The following KMT2E variants were observed in gnomAD, a reference collection of about 807,000 sequenced individuals.
KMT2E encodes histone reader KMT2E.
Under a neutral mutation model 184.6 loss-of-function variants are expected in KMT2E, and 30 were observed. The observed-to-expected ratio is 0.16, with a 90% CI of 0.12 to 0.22. KMT2E has a LOEUF of 0.22. Among genes scored for constraint, KMT2E ranks in the 10% least tolerant of loss-of-function variants. The pLI, the probability that KMT2E is intolerant of heterozygous loss-of-function variation, is 1.00. For missense variants in KMT2E, 2,023 were observed against 2,237.4 expected, an observed-to-expected ratio of 0.90 and a Z score of 1.93; for synonymous variants, 815 against 776.5, an observed-to-expected ratio of 1.05 and a Z score of -0.82.
At chr7:105,049,696 G>T (rs1796249280) in intron 3 of KMT2E, among the ~76,000 whole-genome samples, 1 of 152,084 alleles carries the variant, frequency 6.6e-6, no homozygotes, top group Non-Finnish European at 1.5e-5. Context: ...TTCGAGACCA[G>T]CCTGCCGAAC....
chr7:105,089,632 A>G (rs1224214867), intron 13 of KMT2E, among the ~76,000 whole-genome samples: 3 of 152,228 alleles, frequency 2.0e-5, no homozygotes, highest in East Asian at 1.9e-4. Context: ...CTTTTAGCCT[A>G]TATGAAACAT....
intron 1 of KMT2E, among the ~76,000 whole-genome samples, chr7:105,018,690 G>C (rs905621362): frequency 3.3e-5 from 5 of 152,088 alleles, no homozygotes; most frequent in African/African-American, 1.2e-4. Context: ...ATATTACTCT[G>C]TGAATGTTAC....
chr7:105,102,460 A>G (rs1166625688), intron 17 of KMT2E: 1 of 276,006 alleles, frequency 3.6e-6, no homozygotes, highest in Admixed American at 5.5e-5. Context: ...TGTCTACTTT[A>G]TGTACAAAAT....
chr7:105,075,975 ATTAATTC>A, intron 8 of KMT2E, 61 bp from the exon 9 acceptor site: 1 of 1,271,828 alleles, frequency 7.9e-7, no homozygotes, highest in Non-Finnish European at 1.1e-6. Flanking sequence ...CAATGAACCA[ATTAATTC>A]TTAAATATTA....
At chr7:105,024,851 G>C (rs1469365214) in intron 1 of KMT2E, among the ~76,000 whole-genome samples, 1 of 152,214 alleles carries the variant, frequency 6.6e-6, no homozygotes, top group East Asian at 1.9e-4. Flanking sequence ...ACTGGTCTTT[G>C]TACAGTGTCA....
At chr7:105,030,540 A>G (rs1222929206) in intron 1 of KMT2E, among the ~76,000 whole-genome samples, 1 of 152,226 alleles carries the variant, frequency 6.6e-6, no homozygotes, top group African/African-American at 2.4e-5. Flanking sequence ...TGTGAACTAC[A>G]CTTTTTTTGA....
chr7:105,107,715 C>A lies in KMT2E; in HGVS notation c.3258C>A (p.Asp1086Glu). The A allele has an allele frequency of 6.2e-7, 1 of 1,614,118 alleles. No homozygotes were observed. The highest frequency in any genetic ancestry group is 8.5e-7 in the Non-Finnish European group (1 of 1,180,020). ...TCTCAGTGAACTCCAACTTGAGGGA[C>A]CTGACACCCTCGCATCAGTTGGAGG... ...VNFSVNSNLR[D>E]LTPSHQLEVG... The change falls in exon 22 of 27, where the codon GAC (aspartate) becomes GAA (glutamate). Residue 1086 changes from aspartate (D) to glutamate (E), a missense_variant. By Grantham distance (45) the Asp-to-Glu change is conservative (BLOSUM62 2). Transcript: ENST00000311117.
At chr7:105,093,954 G>A (rs560736152) in intron 15 of KMT2E, among the ~76,000 whole-genome samples, 1 of 152,068 alleles carries the variant, frequency 6.6e-6, no homozygotes, top group African/African-American at 2.4e-5. Flanking sequence ...TTGGTATTTC[G>A]AAAGGATATG....
intron 1 of KMT2E, among the ~76,000 whole-genome samples, chr7:105,015,205 G>A (rs1353185587): frequency 1.3e-5 from 2 of 152,086 alleles, no homozygotes; most frequent in Non-Finnish European, 1.5e-5. Context: ...CGGAGCCTTA[G>A]GATCTACAAT....
chr7:105,076,604 A>G (rs1797535007), intron 9 of KMT2E, among the ~76,000 whole-genome samples: 1 of 152,220 alleles, frequency 6.6e-6, no homozygotes, highest in Non-Finnish European at 1.5e-5. Context: ...TGCTGAGAGA[A>G]GCGAGGCTCC....
At chr7:105,059,589 A>G (rs567882577) in intron 3 of KMT2E, among the ~76,000 whole-genome samples, 6 of 152,358 alleles carry the variant, frequency 3.9e-5, no homozygotes, top group Admixed American at 1.3e-4. Context: ...AATAATGTCA[A>G]TATTTACCCG....
chr7:105,058,301 AG>A (rs927229264), intron 3 of KMT2E, among the ~76,000 whole-genome samples: 4 of 152,092 alleles, frequency 2.6e-5, no homozygotes, highest in African/African-American at 9.6e-5. Flanking sequence ...GCATTAGGAG[AG>A]GCAAATAAAG....
At chr7:105,015,428 G>C (rs1398678116) in intron 1 of KMT2E, among the ~76,000 whole-genome samples, 1 of 152,130 alleles carries the variant, frequency 6.6e-6, no homozygotes, top group Non-Finnish European at 1.5e-5. Context: ...AAGTCAAAGA[G>C]GAATCGCTAG....
chr7:105,017,846 T>G (rs996757262), intron 1 of KMT2E, among the ~76,000 whole-genome samples: 2 of 152,212 alleles, frequency 1.3e-5, no homozygotes, highest in Non-Finnish European at 2.9e-5. Flanking sequence ...CTGATTCCAG[T>G]TTAAGTGTAG....
chr7:105,081,893 T>G, intron 13 of KMT2E, 96 bp downstream of exon 13: 1 of 580,110 alleles, frequency 1.7e-6, no homozygotes. Flanking sequence ...TATAGCTTTT[T>G]ATTTTTATCT....
intron 1 of KMT2E, among the ~76,000 whole-genome samples, chr7:105,031,445 AT>A (rs1427725743): frequency 2.7e-5 from 4 of 150,406 alleles, no homozygotes; most frequent in Non-Finnish European, 5.9e-5. Context: ...ACCTGCTCTT[AT>A]TTGGTTATTT....
Position 105,107,886 on chromosome 7 carries a change from C to A in KMT2E, c.3429C>A (p.Asp1143Glu). Reference sequence around the variant, plus strand: ...GGACTGTTAATGACAATTTGATCGACGGGAATTGCACACCCCAGAATCCAC... The same window carrying A: ...GGACTGTTAATGACAATTTGATCGAAGGGAATTGCACACCCCAGAATCCAC... The part of the protein sequence containing the change: ...FGRTVNDNLI[D>E]GNCTPQNPPQ... Residue 1143 changes from aspartate (D) to glutamate (E), a missense_variant, in exon 22 of 27, where the codon GAC becomes GAA. Asp to Glu is a conservative substitution (Grantham distance 45, BLOSUM62 2). Around this residue, in one of 8 missense-constraint regions of KMT2E, gnomAD observed 1,108 missense variants for 1,050.9 expected, o/e 1.05. Coordinates refer to ENST00000311117, the MANE Select transcript of KMT2E (RefSeq NM_182931.3). The A allele has an allele frequency of 6.2e-7, 1 of 1,613,000 alleles. No individual in the cohort carries two copies. The highest frequency in any genetic ancestry group is 8.5e-7 in the Non-Finnish European group (1 of 1,179,752).
chr7:105,054,861 C>T (rs1462150838), intron 3 of KMT2E, among the ~76,000 whole-genome samples: 3 of 152,112 alleles, frequency 2.0e-5, no homozygotes, highest in Non-Finnish European at 4.4e-5. Context: ...AAAAAGTTAC[C>T]ACTTTGGACT....
chr7:105,094,343 A>T (rs1798321433), intron 15 of KMT2E, among the ~76,000 whole-genome samples: 1 of 152,206 alleles, frequency 6.6e-6, no homozygotes, highest in Non-Finnish European at 1.5e-5. Context: ...AACTTACGTC[A>T]AACTGATTTA....
Sources: gnomAD v4.1 joint callset for allele counts (sites outside exome capture counted in the v4.1 genomes callset) on GRCh38, gnomAD v4.1.1 for gene constraint, gnomAD v4.1.1 regional missense constraint, MANE v1.5 for transcripts, NCBI Gene and HGNC (gene_info 2026-07-23, HGNC 2026-07-21) for gene names.